The following CAMK2D variants were observed in gnomAD, a reference collection of about 807,000 sequenced individuals.
CAMK2D encodes calcium/calmodulin-dependent protein kinase type II subunit delta.
CAMK2D carries 37 observed loss-of-function variants against 84.0 expected under a neutral mutation model. The observed-to-expected ratio is 0.44, with a 90% CI of 0.34 to 0.58. CAMK2D has a LOEUF of 0.58. Among genes scored for constraint, CAMK2D ranks in the 20% least tolerant of loss-of-function variants. The pLI, the probability that CAMK2D is intolerant of heterozygous loss-of-function variation, is 0.02. For missense variants in CAMK2D, 448 were observed against 652.5 expected (o/e 0.69, Z 3.41); for synonymous variants, 202 against 212.5 (o/e 0.95, Z 0.43).
intron 2 of CAMK2D, among the ~76,000 whole-genome samples, chr4:113,719,228 C>T (rs369803025): frequency 6.6e-6 from 1 of 152,108 alleles, no homozygotes; most frequent in African/African-American, 2.4e-5. Context: ...ACGGAATAGA[C>T]CAAACCAAAA....
At chr4:113,504,842 A>AC (rs1408126370) in intron 14 of CAMK2D, 134 bp downstream of exon 14, 3 of 368,268 alleles carry the variant, frequency 8.1e-6, no homozygotes, top group African/African-American at 6.3e-5. Context: ...AAAAAAAAAA[A>AC]AAAACAAAAC....
chr4:113,565,547 A>G (rs1180109591), intron 4 of CAMK2D, among the ~76,000 whole-genome samples: 1 of 151,004 alleles, frequency 6.6e-6, no homozygotes, highest in Non-Finnish European at 1.5e-5. Context: ...GCTACTCAGG[A>G]GGTTGAGGTA....
In CAMK2D at chr4:113,452,085, G is replaced by A. The variant is rs1330527096; in HGVS notation, c.*2460C>T. On this transcript the variant is annotated 3_prime_UTR_variant, in exon 21 of 21. Transcript: ENST00000511664. ...GTAGCAGGAGCTGGGGTGCTTGCCT[G>A]TATCCCAGAAATGATAACATCAAAG... is the stretch of plus-strand genomic sequence containing the variant. 6.7e-6 allele frequency: 1 copy of A among 148,608 alleles called. No individual in the cohort carries two copies. Among genetic ancestry groups the A allele is most frequent in the Non-Finnish European group, 1.5e-5 (1 of 67,562 alleles). 9.2% of individuals were successfully genotyped at this position (148,608 alleles called of 1,614,324 possible).
At chr4:113,632,290 C>T (rs2099092950) in intron 3 of CAMK2D, among the ~76,000 whole-genome samples, 1 of 151,418 alleles carries the variant, frequency 6.6e-6, no homozygotes, top group African/African-American at 2.4e-5. Flanking sequence ...ATGGCACAAT[C>T]TTGGCTCACT....
At chr4:113,554,909 C>T (rs776203644) in intron 4 of CAMK2D, among the ~76,000 whole-genome samples, 2 of 151,326 alleles carry the variant, frequency 1.3e-5, no homozygotes, top group African/African-American at 4.9e-5. Flanking sequence ...AAATTTGAAG[C>T]ATTAATTACC....
At chr4:113,461,720 T>C (rs980794734) in intron 17 of CAMK2D, among the ~76,000 whole-genome samples, 4 of 152,226 alleles carry the variant, frequency 2.6e-5, no homozygotes, top group Admixed American at 1.3e-4. Context: ...GACTGTTTAT[T>C]AATTTGCCCC....
At chr4:113,637,392 T>C in intron 3 of CAMK2D, among the ~76,000 whole-genome samples, 1 of 152,232 alleles carries the variant, frequency 6.6e-6, no homozygotes, top group East Asian at 1.9e-4. Flanking sequence ...ATGTTTCATT[T>C]TGTTTTTCAA....
At chr4:113,691,121 C>A (rs1445644025) in intron 2 of CAMK2D, among the ~76,000 whole-genome samples, 1 of 152,148 alleles carries the variant, frequency 6.6e-6, no homozygotes, top group African/African-American at 2.4e-5. Flanking sequence ...AGCAATTCAC[C>A]ACCATCACTG....
At chr4:113,707,084 G>C (rs548224357) in intron 2 of CAMK2D, among the ~76,000 whole-genome samples, 4 of 152,216 alleles carry the variant, frequency 2.6e-5, no homozygotes, top group South Asian at 4.2e-4. Flanking sequence ...TACCATAGCA[G>C]ACCTACAAGT....
chr4:113,522,238 G>A (rs1106688), intron 8 of CAMK2D, among the ~76,000 whole-genome samples: 3,478 of 152,316 alleles, frequency 0.023, 117 homozygotes, highest in African/African-American at 0.071. Flanking sequence ...AGAACTCTGA[G>A]AAGATAGTAG....
At chr4:113,500,402 T>A in intron 16 of CAMK2D, 61 bp downstream of exon 16, 2 of 1,014,156 alleles carry the variant, frequency 2.0e-6, no homozygotes, top group Non-Finnish European at 2.9e-6. Context: ...GAAGCACTTT[T>A]TTTTTCATAT....
intron 2 of CAMK2D, among the ~76,000 whole-genome samples, chr4:113,720,366 T>TCACA (rs70961845): frequency 0.13 from 19,887 of 148,548 alleles, 2,006 homozygotes; most frequent in African/African-American, 0.28. Context: ...AATCACATTC[T>TCACA]CACACACACA....
At chr4:113,585,286 A>G (rs1415097274) in intron 4 of CAMK2D, among the ~76,000 whole-genome samples, 1 of 152,214 alleles carries the variant, frequency 6.6e-6, no homozygotes, top group Non-Finnish European at 1.5e-5. Flanking sequence ...AATATTTCAT[A>G]TAATCAACGT....
chr4:113,621,356 CA>C (rs1398477506), intron 3 of CAMK2D, among the ~76,000 whole-genome samples: 1 of 152,088 alleles, frequency 6.6e-6, no homozygotes, highest in Non-Finnish European at 1.5e-5. Flanking sequence ...TAAATGTTCT[CA>C]ATAAAAACAC....
intron 5 of CAMK2D, chr4:113,548,531 A>ATTTACTCAT: frequency 1.8e-6 from 1 of 556,400 alleles, no homozygotes; most frequent in South Asian, 2.5e-5. Flanking sequence ...TCATTTCATC[A>ATTTACTCAT]TTTACTCATT....
In CAMK2D at chr4:113,460,160, G is replaced by T; in HGVS notation, c.1293C>A (p.Phe431Leu). 6.4e-7 allele frequency: 1 copy of T among 1,574,536 alleles called. No individual in the cohort carries two copies. The highest frequency in any genetic ancestry group is 8.7e-7 in the Non-Finnish European group (1 of 1,144,376). The change falls in exon 18 of 21, where the codon TTC (phenylalanine) becomes TTA (leucine). Residue 431 changes from phenylalanine (F) to leucine (L), a missense_variant. This residue lies in a region of CAMK2D where 219 missense variants were observed against 272.1 expected (regional missense o/e 0.80). Transcript: ENST00000511664. ...GAATAAATGTACCATTTTCAAAGTAGAATCGGTGAAAATCCATCCCTTCCA... is the reference window on the plus strand; with the variant it reads ...GAATAAATGTACCATTTTCAAAGTATAATCGGTGAAAATCCATCCCTTCCA... ...NLVEGMDFHR[F>L]YFENALSKSN...
intron 4 of CAMK2D, among the ~76,000 whole-genome samples, chr4:113,582,299 A>G (rs931270752): frequency 6.6e-6 from 1 of 152,146 alleles, no homozygotes; most frequent in Non-Finnish European, 1.5e-5. Context: ...TTATATATAA[A>G]CCATAAGACA....
intron 4 of CAMK2D, among the ~76,000 whole-genome samples, chr4:113,563,172 T>C (rs986755936): frequency 1.3e-5 from 2 of 152,148 alleles, no homozygotes; most frequent in Non-Finnish European, 2.9e-5. Context: ...GACAATTGCT[T>C]GAACCTGGTA....
At chr4:113,644,248 G>A (rs2099142944) in intron 3 of CAMK2D, among the ~76,000 whole-genome samples, 1 of 152,156 alleles carries the variant, frequency 6.6e-6, no homozygotes, top group Admixed American at 6.5e-5. Context: ...CAGATTCTTG[G>A]CTTAGATGGT....
Sources: gnomAD v4.1 joint callset for allele counts (sites outside exome capture counted in the v4.1 genomes callset) on GRCh38, gnomAD v4.1.1 for gene constraint, gnomAD v4.1.1 regional missense constraint, MANE v1.5 for transcripts, NCBI Gene and HGNC (gene_info 2026-07-23, HGNC 2026-07-21) for gene names.